MAGI2: variants seen among roughly 807,000 people sequenced by gnomAD.
MAGI2 encodes the protein membrane-associated guanylate kinase, WW and PDZ domain-containing protein 2.
MAGI2 carries 35 observed loss-of-function variants against 133.3 expected under a neutral mutation model. That is an observed-to-expected ratio of 0.26 (90% CI 0.20 to 0.35). The LOEUF is 0.35. Ranked by LOEUF, MAGI2 falls within the 10% of genes least tolerant of loss-of-function variation. The pLI is 1.00. For synonymous variants in MAGI2, 729 were observed against 710.6 expected (o/e 1.03, Z -0.41); for missense variants, 1,636 against 1,863.4 (o/e 0.88, Z 2.25).
chr7:78,757,299 C>T (rs1824047571), intron 2 of MAGI2, among the ~76,000 whole-genome samples: 1 of 131,002 alleles, frequency 7.6e-6, no homozygotes, highest in South Asian at 3.0e-4. Context: ...CCCTCCTTCT[C>T]CCTCCTTCTC....
rs1491494586 is a variant in MAGI2, at chr7:79,449,897, T to TATATAA, written c.301+3122_301+3123insTTATAT. ...ATATACATATATATATATATATATA[T>TATATAA]AATGTCTTAAAATCCCAACATTTTA... On this transcript the variant is annotated intron_variant, in intron 1 of 21. Transcript: ENST00000354212. Among the ~76,000 whole-genome samples the TATATAA allele has an allele frequency of 3.5e-4, 46 of 132,336 alleles. 1 individual carries two copies. The highest frequency in any genetic ancestry group is 1.1e-3 in the African/African-American group (42 of 36,796). 86.8% of individuals were successfully genotyped at this position (132,336 alleles called of 152,430 possible).
intron 9 of MAGI2, among the ~76,000 whole-genome samples, chr7:78,264,708 G>A (rs1192884503): frequency 6.6e-6 from 1 of 152,170 alleles, no homozygotes; most frequent in Non-Finnish European, 1.5e-5. Context: ...CTTGGGCGAA[G>A]TATTTAACTT....
chr7:78,020,587 C>G (rs536402816), intron 21 of MAGI2, among the ~76,000 whole-genome samples: 3 of 151,996 alleles, frequency 2.0e-5, no homozygotes, highest in South Asian at 4.2e-4. Context: ...AAAAAAGGTC[C>G]ATGCATAAAT....
intron 1 of MAGI2, among the ~76,000 whole-genome samples, chr7:79,144,545 T>C (rs563001420): frequency 3.9e-5 from 6 of 152,316 alleles, no homozygotes; most frequent in African/African-American, 7.2e-5. Flanking sequence ...GTCGGCAGAA[T>C]TGTGAGTCGA....
chr7:78,261,956 C>T (rs1364019042), intron 9 of MAGI2, among the ~76,000 whole-genome samples: 2 of 152,110 alleles, frequency 1.3e-5, no homozygotes, highest in Admixed American at 6.6e-5. Context: ...AATAACTGCT[C>T]TCAACACAGT....
chr7:78,073,601 G>T (rs755264994), intron 21 of MAGI2, among the ~76,000 whole-genome samples: 6 of 152,192 alleles, frequency 3.9e-5, no homozygotes, highest in Non-Finnish European at 8.8e-5. Flanking sequence ...GCTCCACTTT[G>T]GTCTGAACTG....
At chr7:79,073,191 A>G (rs1001502001) in intron 1 of MAGI2, among the ~76,000 whole-genome samples, 4 of 152,216 alleles carry the variant, frequency 2.6e-5, no homozygotes, top group African/African-American at 9.6e-5. Flanking sequence ...CCTAATATCA[A>G]GAAAACTAGC....
intron 19 of MAGI2, among the ~76,000 whole-genome samples, chr7:78,126,313 G>A (rs555649765): frequency 1.7e-4 from 26 of 151,918 alleles, no homozygotes; most frequent in Non-Finnish European, 3.1e-4. Context: ...TGAATATCAA[G>A]TTGGAATGTA....
chr7:79,097,297 T>C (rs1287902344), intron 1 of MAGI2, among the ~76,000 whole-genome samples: 1 of 152,230 alleles, frequency 6.6e-6, no homozygotes, highest in Non-Finnish European at 1.5e-5. Context: ...TATTTCTCAG[T>C]TGTTTCCTTA....
intron 3 of MAGI2, among the ~76,000 whole-genome samples, chr7:78,553,423 A>T: frequency 6.6e-6 from 1 of 152,246 alleles, no homozygotes; most frequent in East Asian, 1.9e-4. Flanking sequence ...AGAAAATAGT[A>T]AGGTAAATGT....
chr7:78,927,456 C>T (rs1425313605), intron 2 of MAGI2, among the ~76,000 whole-genome samples: 1 of 151,812 alleles, frequency 6.6e-6, no homozygotes, highest in African/African-American at 2.4e-5. Context: ...GGCAAAAATC[C>T]AAATTCAGTG....
At chr7:79,137,802 A>AC (rs71095380) in intron 1 of MAGI2, among the ~76,000 whole-genome samples, 3 of 151,552 alleles carry the variant, frequency 2.0e-5, no homozygotes, top group Admixed American at 1.3e-4. Flanking sequence ...ACAGAATAGT[A>AC]CCCCCCACCC....
At chr7:78,626,203 A>C (rs1192362602) in intron 3 of MAGI2, among the ~76,000 whole-genome samples, 1 of 152,136 alleles carries the variant, frequency 6.6e-6, no homozygotes, top group Non-Finnish European at 1.5e-5. Context: ...GCATCTGTAC[A>C]TATACTTTGT....
chr7:78,530,131 T>C (rs1442275023), intron 3 of MAGI2, among the ~76,000 whole-genome samples: 1 of 152,182 alleles, frequency 6.6e-6, no homozygotes, highest in South Asian at 2.1e-4. Flanking sequence ...ATCACCTGAA[T>C]AACTCATTTT....
intron 2 of MAGI2, among the ~76,000 whole-genome samples, chr7:78,735,724 T>A (rs993497141): frequency 7.9e-5 from 12 of 152,192 alleles, no homozygotes; most frequent in African/African-American, 2.9e-4. Context: ...AAATGTTTAA[T>A]CTGATTATCT....
At chr7:78,228,005 C>A (rs1377157373) in intron 10 of MAGI2, among the ~76,000 whole-genome samples, 6 of 152,170 alleles carry the variant, frequency 3.9e-5, no homozygotes, top group Non-Finnish European at 8.8e-5. Flanking sequence ...ATCTCTGTTG[C>A]AACTACTCAA....
chr7:78,318,350 G>A (rs544316845), intron 9 of MAGI2, among the ~76,000 whole-genome samples: 4 of 152,168 alleles, frequency 2.6e-5, no homozygotes, highest in East Asian at 1.9e-4. Context: ...TAGCCAAATC[G>A]ATTAAGCAGA....
chr7:78,209,656 TTAC>T (rs1787578121), intron 10 of MAGI2, among the ~76,000 whole-genome samples: 3 of 151,996 alleles, frequency 2.0e-5, no homozygotes, highest in South Asian at 2.1e-4. Context: ...CTCCTTCTAT[TTAC>T]CTCCATGGCC....
chr7:78,038,599 A>G (rs1333197112), intron 21 of MAGI2, among the ~76,000 whole-genome samples: 2 of 152,156 alleles, frequency 1.3e-5, no homozygotes, highest in African/African-American at 4.8e-5. Context: ...GACCCACTGA[A>G]TCTGAATCTG....
Sources: gnomAD v4.1 joint callset for allele counts (sites outside exome capture counted in the v4.1 genomes callset) on GRCh38, gnomAD v4.1.1 for gene constraint, MANE v1.5 for transcripts, NCBI Gene and HGNC (gene_info 2026-07-23, HGNC 2026-07-21) for gene names.